GRID1: variants seen among roughly 807,000 people sequenced by gnomAD.
GRID1 encodes the protein glutamate receptor ionotropic, delta-1.
GRID1 carries 28 observed loss-of-function variants against 98.0 expected under a neutral mutation model. The ratio of observed to expected loss-of-function variants is 0.29; its 90% CI spans 0.21 to 0.39. The LOEUF is 0.39. Ranked by LOEUF, GRID1 falls within the 10% of genes least tolerant of loss-of-function variation. The pLI is 1.00. For missense variants in GRID1, 1,111 were observed against 1,340.5 expected (o/e 0.83, Z 2.67); for synonymous variants, 553 against 538.5 (o/e 1.03, Z -0.37).
chr10:86,111,052 A>C (rs1306767110), intron 4 of GRID1, among the ~76,000 whole-genome samples: 1 of 152,254 alleles, frequency 6.6e-6, no homozygotes, highest in Non-Finnish European at 1.5e-5. Context: ...TTGCTTGGGC[A>C]GATCTGCTCC....
At chr10:86,293,646 A>G (rs1847547469) in intron 2 of GRID1, among the ~76,000 whole-genome samples, 1 of 152,224 alleles carries the variant, frequency 6.6e-6, no homozygotes, top group East Asian at 1.9e-4. Flanking sequence ...CCCTGGATTC[A>G]GGGCTGCAGC....
chr10:86,313,243 G>A (rs918306350), intron 2 of GRID1, among the ~76,000 whole-genome samples: 3 of 152,218 alleles, frequency 2.0e-5, no homozygotes, highest in Non-Finnish European at 4.4e-5. Context: ...AATACTAACA[G>A]CGATCATTAC....
At chr10:86,072,927 T>C (rs1375861590) in intron 4 of GRID1, among the ~76,000 whole-genome samples, 1 of 152,262 alleles carries the variant, frequency 6.6e-6, no homozygotes. Flanking sequence ...TTATGTCATC[T>C]ACCCAATGCC....
chr10:86,015,790 C>T (rs903818844), intron 4 of GRID1, among the ~76,000 whole-genome samples: 1 of 152,204 alleles, frequency 6.6e-6, no homozygotes, highest in Non-Finnish European at 1.5e-5. Flanking sequence ...GAGCGGACTT[C>T]ATCGTTGCAA....
At chr10:86,180,637 C>T (rs929359536) in intron 3 of GRID1, among the ~76,000 whole-genome samples, 17 of 152,088 alleles carry the variant, frequency 1.1e-4, no homozygotes, top group African/African-American at 3.6e-4. Flanking sequence ...CTAGGCTTCC[C>T]GACATATGCC....
chr10:85,991,962 A>G (rs1475294317), intron 4 of GRID1, among the ~76,000 whole-genome samples: 2 of 152,202 alleles, frequency 1.3e-5, no homozygotes, highest in Non-Finnish European at 2.9e-5. Context: ...AATGCAGAAG[A>G]GAAATGTGGA....
At chr10:85,783,584 C>T (rs890851561) in intron 8 of GRID1, among the ~76,000 whole-genome samples, 2 of 152,086 alleles carry the variant, frequency 1.3e-5, no homozygotes, top group African/African-American at 2.4e-5. Flanking sequence ...GAAAATAAAC[C>T]AGAATGAAAA....
chr10:86,096,792 C>A (rs1356110174), intron 4 of GRID1, among the ~76,000 whole-genome samples: 2 of 152,220 alleles, frequency 1.3e-5, no homozygotes, highest in Non-Finnish European at 2.9e-5. Flanking sequence ...CCTTGCAGAG[C>A]TGGGACAACA....
intron 4 of GRID1, among the ~76,000 whole-genome samples, chr10:85,973,610 C>T (rs1457865786): frequency 6.6e-6 from 1 of 152,130 alleles, no homozygotes; most frequent in Non-Finnish European, 1.5e-5. Flanking sequence ...TTGCTATTTT[C>T]TAACTATTTC....
In GRID1 at chr10:86,062,003, C is replaced by A. The variant is rs143440995; in HGVS notation, c.726+76816G>T. Reference sequence around the variant, plus strand: ...TCTCTCCCTTAGACACCCCTATGGACATCAGAGAAAGCACTCAACAGGCTG... The same window carrying A: ...TCTCTCCCTTAGACACCCCTATGGAAATCAGAGAAAGCACTCAACAGGCTG... On this transcript the variant is annotated intron_variant, in intron 4 of 15. Coordinates refer to ENST00000327946, the MANE Select transcript of GRID1 (RefSeq NM_017551.3). Among the ~76,000 whole-genome samples the A allele has an allele frequency of 4.1e-4, 62 of 152,300 alleles. No homozygotes were observed. In the East Asian group the frequency reaches 0.011, roughly 26 times the overall value.
chr10:85,673,415 A>G (rs1183604254), intron 12 of GRID1, among the ~76,000 whole-genome samples: 6 of 152,252 alleles, frequency 3.9e-5, no homozygotes, highest in Non-Finnish European at 5.9e-5. Context: ...AAATGGTACC[A>G]AACAACATCA....
At chr10:85,774,337 A>G (rs1294703927) in intron 8 of GRID1, among the ~76,000 whole-genome samples, 2 of 152,238 alleles carry the variant, frequency 1.3e-5, no homozygotes, top group African/African-American at 4.8e-5. Flanking sequence ...AGATGGATTA[A>G]AGACTTAAAT....
intron 2 of GRID1, among the ~76,000 whole-genome samples, chr10:86,360,237 T>C (rs1240135371): frequency 6.6e-6 from 1 of 152,188 alleles, no homozygotes; most frequent in African/African-American, 2.4e-5. Context: ...AAATAGTTCA[T>C]AGTGATTTCA....
At chr10:85,676,594 C>T (rs867901192) in intron 12 of GRID1, among the ~76,000 whole-genome samples, 6 of 152,172 alleles carry the variant, frequency 3.9e-5, no homozygotes, top group Non-Finnish European at 8.8e-5. Flanking sequence ...TCAAACACAC[C>T]ACAATGGAGA....
At chr10:86,013,283 A>T (rs1258112845) in intron 4 of GRID1, among the ~76,000 whole-genome samples, 3 of 152,244 alleles carry the variant, frequency 2.0e-5, no homozygotes, top group African/African-American at 7.2e-5. Flanking sequence ...ATAACAACAA[A>T]AAAACATGAC....
At chr10:85,770,615 C>T (rs1309263170) in intron 8 of GRID1, among the ~76,000 whole-genome samples, 1 of 152,070 alleles carries the variant, frequency 6.6e-6, no homozygotes, top group East Asian at 1.9e-4. Context: ...ATAACCAATA[C>T]AGAGAAGTGC....
intron 4 of GRID1, among the ~76,000 whole-genome samples, chr10:86,109,390 A>G (rs1442353769): frequency 6.6e-6 from 1 of 152,232 alleles, no homozygotes; most frequent in African/African-American, 2.4e-5. Flanking sequence ...TGAGCCCCCA[A>G]CACAAGGGGC....
chr10:85,926,382 G>A (rs896774255), intron 4 of GRID1, among the ~76,000 whole-genome samples: 1 of 152,164 alleles, frequency 6.6e-6, no homozygotes, highest in African/African-American at 2.4e-5. Context: ...CAATAAAAGT[G>A]TGGGGAGAAG....
chr10:85,835,386 G>A (rs1842903629), intron 8 of GRID1, among the ~76,000 whole-genome samples: 2 of 152,182 alleles, frequency 1.3e-5, no homozygotes, highest in Admixed American at 1.3e-4. Flanking sequence ...GGTGGGGCCA[G>A]GTGAAGATAA....
Sources: gnomAD v4.1 joint callset for allele counts (sites outside exome capture counted in the v4.1 genomes callset) on GRCh38, gnomAD v4.1.1 for gene constraint, MANE v1.5 for transcripts, NCBI Gene and HGNC (gene_info 2026-07-23, HGNC 2026-07-21) for gene names.